Variants in PCDHAC1 observed in about 807,000 individuals in gnomAD.
The protein encoded by PCDHAC1 is protocadherin alpha subfamily C, 1.
In PCDHAC1, 42 loss-of-function variants were observed where a neutral mutation model predicts 60.0. The observed-to-expected ratio is 0.70, with a 90% confidence interval of 0.55 to 0.90. The LOEUF is 0.90. PCDHAC1 is among the 40% of genes least tolerant of loss of function. PCDHAC1 has a pLI of 0.00. For missense variants in PCDHAC1, 1,160 were observed against 1,222.3 expected (o/e 0.95, Z 0.76); for synonymous variants, 468 against 499.3 (o/e 0.94, Z 0.84).
In PCDHAC1 at chr5:140,980,207, CT is replaced by C. The variant is rs2096880359; in HGVS notation, c.2492+1204del. Among the ~76,000 whole-genome samples, 4 of 152,182 alleles carry C rather than the reference CT, an allele frequency of 2.6e-5. No individual in the cohort carries two copies. In the South Asian group the frequency reaches 8.3e-4, roughly 31 times the overall value. On this transcript the variant is annotated intron_variant, in intron 2 of 3. Coordinates refer to ENST00000253807, the MANE Select transcript of PCDHAC1 (RefSeq NM_018898.5). ...TATATTTATTAGAGACCAACTTGTGCTTTTGCCTGCATCTGAGCTGTTGGTG... is the reference window on the plus strand; with the variant it reads ...TATATTTATTAGAGACCAACTTGTGCTTTGCCTGCATCTGAGCTGTTGGTG...
intron 2 of PCDHAC1, among the ~76,000 whole-genome samples, chr5:140,980,947 G>T (rs1430215851): frequency 6.6e-6 from 1 of 152,032 alleles, no homozygotes; most frequent in Non-Finnish European, 1.5e-5. Context: ...GCTGGCTCCA[G>T]GATAGTTACA....
intron 3 of PCDHAC1, 87 bp downstream of exon 3, chr5:140,982,650 C>T (rs1299219435): frequency 4.6e-6 from 7 of 1,507,000 alleles, no homozygotes; most frequent in Non-Finnish European, 5.3e-6. Flanking sequence ...ATGTTGATGG[C>T]TCTTTTTCTT....
chr5:140,980,239 A>G (rs1453927657), intron 2 of PCDHAC1, among the ~76,000 whole-genome samples: 1 of 152,230 alleles, frequency 6.6e-6, no homozygotes, highest in Non-Finnish European at 1.5e-5. Flanking sequence ...TGGTGGAGAC[A>G]TGCAATGGGT....
At chr5:140,988,828 A>C (rs1554250455) in intron 3 of PCDHAC1, 1 of 152,170 alleles carries the variant, frequency 6.6e-6, no homozygotes, top group Non-Finnish European at 1.5e-5. Flanking sequence ...CCAAACAGAG[A>C]TCACGTGTCT....
At chr5:140,980,160 T>C (rs1408251279) in intron 2 of PCDHAC1, among the ~76,000 whole-genome samples, 1 of 152,140 alleles carries the variant, frequency 6.6e-6, no homozygotes, top group East Asian at 1.9e-4. Context: ...TACCAGAATA[T>C]TAGGTATCAG....
At chr5:140,995,903 G>A (rs1554254885) in intron 3 of PCDHAC1, among the ~76,000 whole-genome samples, 2 of 152,206 alleles carry the variant, frequency 1.3e-5, no homozygotes, top group East Asian at 1.9e-4. Flanking sequence ...ATGTATAAAA[G>A]AGGAGAGACC....
intron 1 of PCDHAC1, among the ~76,000 whole-genome samples, chr5:140,972,062 A>G (rs1398109338): frequency 6.6e-6 from 1 of 152,246 alleles, no homozygotes; most frequent in Admixed American, 6.5e-5. Flanking sequence ...AGTCGTATAT[A>G]TTAACTGCTT....
At chr5:140,991,988 C>T (rs1167776981) in intron 3 of PCDHAC1, among the ~76,000 whole-genome samples, 1 of 151,478 alleles carries the variant, frequency 6.6e-6, no homozygotes, top group Non-Finnish European at 1.5e-5. Flanking sequence ...GCCTACCACC[C>T]GGTCTTTCAT....
At chr5:140,930,306 CAT>C (rs1554207728) in intron 1 of PCDHAC1, 1 of 152,052 alleles carries the variant, frequency 6.6e-6, no homozygotes, top group East Asian at 1.9e-4. Context: ...AAGTAAATAT[CAT>C]ATTTGAGAGT....
At chr5:140,962,104 C>T (rs1387807188) in intron 1 of PCDHAC1, among the ~76,000 whole-genome samples, 1 of 152,056 alleles carries the variant, frequency 6.6e-6, no homozygotes, top group Non-Finnish European at 1.5e-5. Context: ...CCAGGATGGT[C>T]TCGATCTCCT....
intron 3 of PCDHAC1, among the ~76,000 whole-genome samples, chr5:140,984,004 A>G (rs1039333145): frequency 6.6e-6 from 1 of 152,196 alleles, no homozygotes; most frequent in Admixed American, 6.5e-5. Context: ...TTAGAGAGCT[A>G]ATATTGCCAG....
chr5:140,958,204 G>T (rs2095413529), intron 1 of PCDHAC1, among the ~76,000 whole-genome samples: 2 of 152,042 alleles, frequency 1.3e-5, no homozygotes, highest in South Asian at 2.1e-4. Flanking sequence ...AGTATACAAG[G>T]GAATTAGATT....
At chr5:140,969,363 C>G (rs367871893) in intron 1 of PCDHAC1, 4 of 1,610,614 alleles carry the variant, frequency 2.5e-6, no homozygotes, top group East Asian at 4.5e-5. Flanking sequence ...CTTCTACAAA[C>G]TCATGCATTT....
At chr5:140,955,312 C>T (rs1022804259) in intron 1 of PCDHAC1, among the ~76,000 whole-genome samples, 2 of 152,100 alleles carry the variant, frequency 1.3e-5, no homozygotes, top group Admixed American at 6.6e-5. Flanking sequence ...ACCCAAATCT[C>T]ACCTTGAATT....
At position 140,928,012 on chromosome 5, in the gene PCDHAC1, A is replaced by G. The variant is rs2084863036; in HGVS notation, c.1120A>G (p.Arg374Gly). ...GGATGAAGACCTCGATTCTAATGGT[A>G]GGGTCATTTGTGGCATGTCTAGTGC... ...VKDEDLDSNG[R>G]VICGMSSAGP... Residue 374 changes from arginine (R) to glycine (G), a missense_variant, in exon 1 of 4, where the codon AGG (arginine) becomes GGG (glycine). Physicochemically the swap from Arg to Gly is moderately radical, Grantham distance 125. Transcript: ENST00000253807. The G allele has an allele frequency of 1.2e-6, 2 of 1,614,190 alleles. No homozygotes were observed. Among genetic ancestry groups the G allele is most frequent in the African/African-American group, 2.7e-5 (2 of 75,050 alleles).
In PCDHAC1 at chr5:141,005,964, A is replaced by G. The variant is rs189203283; in HGVS notation, c.2582-3663A>G. On this transcript the variant is annotated intron_variant, in intron 3 of 3. Transcript: ENST00000253807. The stretch of plus-strand genomic sequence containing the variant: ...CCTATCTCTAACAAACAACAATAAA[A>G]AAACAATTCCAAAGAGTGTTTGAGG... 1.8e-3 allele frequency among the ~76,000 whole-genome samples: 274 copies of G among 152,152 alleles called. 1 individual carries two copies. Among genetic ancestry groups the G allele is most frequent in the Middle Eastern group, 6.8e-3 (2 of 294 alleles).
Position 140,958,669 on chromosome 5 carries a change from A to G in PCDHAC1, c.2434-20280A>G, listed in dbSNP as rs570899981. On this transcript the variant is annotated intron_variant, in intron 1 of 3. Coordinates refer to ENST00000253807, the MANE Select transcript of PCDHAC1 (RefSeq NM_018898.5). ...CACAGAAAGCTATGATGAAATTTTA[A>G]TTATAAAGGATATTGAATATCCTAG... Among the ~76,000 whole-genome samples, 3 of 152,316 alleles carry G rather than the reference A, an allele frequency of 2.0e-5. No individual in the cohort carries two copies. In the East Asian group the frequency reaches 5.8e-4, roughly 29 times the overall value.
intron 1 of PCDHAC1, among the ~76,000 whole-genome samples, chr5:140,953,511 G>A (rs1243901831): frequency 1.3e-5 from 2 of 152,114 alleles, no homozygotes; most frequent in Non-Finnish European, 2.9e-5. Flanking sequence ...TTAGGCCAAA[G>A]CAACAAAAAC....
intron 3 of PCDHAC1, among the ~76,000 whole-genome samples, chr5:141,000,339 A>ATC (rs1414297743): frequency 9.8e-6 from 1 of 102,338 alleles, no homozygotes; most frequent in Non-Finnish European, 2.1e-5. Context: ...GCAAGGCCCT[A>ATC]TCTCTCTCTC....
Sources: allele counts gnomAD v4.1 joint callset (sites outside exome capture counted in the v4.1 genomes callset), GRCh38; gene constraint gnomAD v4.1.1; transcripts MANE v1.5; gene names NCBI Gene and HGNC (gene_info 2026-07-23, HGNC 2026-07-21).